USP45: variants seen among roughly 807,000 people sequenced by gnomAD.
USP45 encodes ubiquitin specific peptidase 45.
USP45 carries 89 observed loss-of-function variants against 95.8 expected under a neutral mutation model. That is an observed-to-expected ratio of 0.93 (90% CI 0.78 to 1.11). USP45 has a LOEUF of 1.11. USP45 is among the 50% of genes least tolerant of loss of function. USP45 has a pLI of 0.00. For synonymous variants in USP45, 281 were observed against 316.2 expected (o/e 0.89, Z 1.18); for missense variants, 898 against 942.5 (o/e 0.95, Z 0.62).
At chr6:99,446,525 A>G in intron 13 of USP45, 62 bp from the exon 14 acceptor site, 1 of 1,402,036 alleles carries the variant, frequency 7.1e-7, no homozygotes, top group Non-Finnish European at 9.6e-7. Flanking sequence ...ATAAATGCCA[A>G]TAATTCTTAA....
In USP45 at chr6:99,500,480, T is replaced by C. The variant is rs569048113; in HGVS notation, c.478+3285A>G. Among the ~76,000 whole-genome samples, 5 of 152,258 alleles carry C rather than the reference T, an allele frequency of 3.3e-5. No individual in the cohort carries two copies. The East Asian group carries it at 9.6e-4, about 29-fold the overall frequency. ...TGCTCCCTTCCTAGCATCTTTCTTA[T>C]AATACTTATTCAAGAAATCAGTAAA... is the stretch of plus-strand genomic sequence containing the variant. On this transcript the variant is annotated intron_variant, in intron 5 of 17. Transcript: ENST00000500704.
chr6:99,505,167 G>A (rs988096479), intron 4 of USP45, among the ~76,000 whole-genome samples: 32 of 152,168 alleles, frequency 2.1e-4, no homozygotes, highest in Admixed American at 2.0e-3. Flanking sequence ...TTTGCTTGGC[G>A]CTTATTTGGA....
chr6:99,503,930 A>G, intron 4 of USP45, 65 bp from the exon 5 acceptor site: 1 of 1,174,838 alleles, frequency 8.5e-7, no homozygotes, highest in South Asian at 1.6e-5. Flanking sequence ...CACATCAGAT[A>G]ACAAAGTTGG....
chr6:99,438,590 G>A (rs561359116), intron 16 of USP45, among the ~76,000 whole-genome samples: 1 of 152,190 alleles, frequency 6.6e-6, no homozygotes, highest in South Asian at 2.1e-4. Flanking sequence ...TCCTTATCTG[G>A]ATAATAATTG....
At chr6:99,441,556 T>C (rs1192407702) in intron 15 of USP45, among the ~76,000 whole-genome samples, 2 of 151,912 alleles carry the variant, frequency 1.3e-5, no homozygotes, top group African/African-American at 2.4e-5. Flanking sequence ...AATTACTCAA[T>C]GTTCTTCATA....
chr6:99,454,294 A>G lies in USP45; in HGVS notation c.1309-7831T>C, dbSNP rs528183503. Among the ~76,000 whole-genome samples the G allele has an allele frequency of 5.9e-5, 9 of 152,330 alleles. No individual in the cohort carries two copies. The East Asian group carries it at 1.7e-3, about 29-fold the overall frequency. On this transcript the variant is annotated intron_variant, in intron 13 of 17. Coordinates refer to ENST00000500704, the MANE Select transcript of USP45 (RefSeq NM_001346022.3). Reference sequence around the variant, plus strand: ...TACAACTAGAATGTTATCTCTCACCATATACAAAAATCAACTCAAGATAGA... The same window carrying G: ...TACAACTAGAATGTTATCTCTCACCGTATACAAAAATCAACTCAAGATAGA...
At chr6:99,504,879 ATT>A (rs1798165467) in intron 4 of USP45, among the ~76,000 whole-genome samples, 2 of 152,208 alleles carry the variant, frequency 1.3e-5, no homozygotes, top group Admixed American at 6.5e-5. Context: ...ATCACAGAAC[ATT>A]AACAGTCCAA....
rs1294129587 is a variant in USP45, at chr6:99,434,570, A to C, written c.*1146T>G. On this transcript the variant is annotated 3_prime_UTR_variant, in exon 18 of 18. Coordinates refer to ENST00000500704, the MANE Select transcript of USP45 (RefSeq NM_001346022.3). ...ATTTGTATTCTAGAGGGGAAAAATGATATTTTTGCTATTATTTAAAAAGAA... is the reference window on the plus strand; with the variant it reads ...ATTTGTATTCTAGAGGGGAAAAATGCTATTTTTGCTATTATTTAAAAAGAA... 6 of 152,192 alleles carry C rather than the reference A, an allele frequency of 3.9e-5. No homozygotes were observed. The highest frequency in any genetic ancestry group is 7.4e-5 in the Non-Finnish European group (5 of 68,020). 9.4% of individuals were successfully genotyped at this position (152,192 alleles called of 1,614,324 possible). A position where few individuals can be genotyped will look rare whatever the true frequency, so the allele number is the denominator to read the frequency against.
At chr6:99,499,971 G>A (rs1797048858) in intron 5 of USP45, among the ~76,000 whole-genome samples, 1 of 152,100 alleles carries the variant, frequency 6.6e-6, no homozygotes. Context: ...AAGATTTAGT[G>A]ACTGTCTTAT....
At chr6:99,479,673 C>T (rs1583260004) in intron 8 of USP45, among the ~76,000 whole-genome samples, 1 of 102,350 alleles carries the variant, frequency 9.8e-6, no homozygotes, top group South Asian at 2.6e-4. Context: ...TTAATAAGAA[C>T]TCTCAGAAAA....
intron 13 of USP45, among the ~76,000 whole-genome samples, chr6:99,447,571 C>A (rs1404097072): frequency 6.6e-6 from 1 of 152,184 alleles, no homozygotes. Context: ...GTGGAGCCCA[C>A]CACAGCTCAA....
At chr6:99,506,363 A>G (rs1390030642) in intron 4 of USP45, among the ~76,000 whole-genome samples, 2 of 152,208 alleles carry the variant, frequency 1.3e-5, no homozygotes, top group Admixed American at 1.3e-4. Context: ...GTGTCACTCT[A>G]TCACCCAGGC....
intron 16 of USP45, among the ~76,000 whole-genome samples, chr6:99,439,442 G>C (rs1326329634): frequency 6.6e-6 from 1 of 152,162 alleles, no homozygotes; most frequent in South Asian, 2.1e-4. Flanking sequence ...AACTACTACT[G>C]ATTAAACAGT....
intron 13 of USP45, among the ~76,000 whole-genome samples, chr6:99,456,680 A>G (rs1255533015): frequency 6.6e-6 from 1 of 152,110 alleles, no homozygotes; most frequent in African/African-American, 2.4e-5. Flanking sequence ...CTGTCAGCTG[A>G]GGAGGATGTA....
At chr6:99,442,367 C>A (rs888480963) in intron 15 of USP45, among the ~76,000 whole-genome samples, 1 of 152,146 alleles carries the variant, frequency 6.6e-6, no homozygotes, top group African/African-American at 2.4e-5. Flanking sequence ...ACAACCTTGG[C>A]TATGGAAGAA....
intron 8 of USP45, chr6:99,482,270 A>T (rs1792620276): frequency 6.6e-6 from 1 of 152,490 alleles, no homozygotes. Flanking sequence ...GTCAAGTCAG[A>T]TCCTTTATGT....
At chr6:99,480,644 A>T (rs1034793418) in intron 8 of USP45, among the ~76,000 whole-genome samples, 2 of 152,036 alleles carry the variant, frequency 1.3e-5, no homozygotes, top group African/African-American at 4.8e-5. Flanking sequence ...AGCCTGGGCA[A>T]CAAGAGCGAA....
chr6:99,439,784 G>A lies in USP45; in HGVS notation c.2145C>T (p.Cys715=), dbSNP rs1054584548. 3 of 1,601,666 alleles carry A rather than the reference G, an allele frequency of 1.9e-6. No homozygotes were observed. Among genetic ancestry groups the A allele is most frequent in the African/African-American group, 1.3e-5 (1 of 74,600 alleles). ...FPLMLDLAPF[C]SATCKNASVG... is the part of the protein sequence containing the mutation. ...TATACTGTACCTTACAAGTAGCAGA[G>A]CAGAATGGTGCTAAATCGAGCATAA... The change falls in exon 16 of 18, where the codon TGC becomes TGT. Residue 715 remains cysteine (C), a synonymous_variant. Transcript: ENST00000500704.
intron 13 of USP45, among the ~76,000 whole-genome samples, chr6:99,447,937 C>T (rs6570074): frequency 0.98 from 149,539 of 152,296 alleles, 73,472 homozygotes; most frequent in East Asian, 1. Context: ...GCAAACAGGG[C>T]CTGGAGTGGA....
Sources: allele counts gnomAD v4.1 joint callset (sites outside exome capture counted in the v4.1 genomes callset), GRCh38; gene constraint gnomAD v4.1.1; transcripts MANE v1.5; gene names NCBI Gene and HGNC (gene_info 2026-07-23, HGNC 2026-07-21).